The following PRKAR1A variants were observed in gnomAD, a reference collection of about 807,000 sequenced individuals.
PRKAR1A encodes protein kinase cAMP-dependent type I regulatory subunit alpha, also known as cAMP-dependent protein kinase type I-alpha regulatory subunit.
PRKAR1A carries 3 observed loss-of-function variants against 52.0 expected under a neutral mutation model. That is an observed-to-expected ratio of 0.06 (90% CI 0.03 to 0.15). PRKAR1A has a LOEUF of 0.15. PRKAR1A is among the 10% of genes least tolerant of loss of function. PRKAR1A has a pLI of 1.00. For missense variants in PRKAR1A, 240 were observed against 477.4 expected (o/e 0.50, Z 4.63); for synonymous variants, 188 against 168.4 (o/e 1.12, Z -0.90).
chr17:68,432,171 G>T, the PRKAR1A span, among the ~76,000 whole-genome samples: 264 of 152,272 alleles, frequency 1.7e-3, 1 homozygote, highest in African/African-American at 6.1e-3. Flanking sequence ...AAAGATGAAG[G>T]AGCGAGAAGG....
chr17:68,491,444 C>A, the PRKAR1A span, among the ~76,000 whole-genome samples: 1 of 152,256 alleles, frequency 6.6e-6, no homozygotes, highest in Non-Finnish European at 1.5e-5. Context: ...TTCAAGTAGA[C>A]AAGAAGCCTG....
chr17:68,474,949 A>G, the PRKAR1A span, among the ~76,000 whole-genome samples: 2 of 152,218 alleles, frequency 1.3e-5, no homozygotes, highest in African/African-American at 4.8e-5. Flanking sequence ...ACTTAAGTAA[A>G]TTTTAAAAAA....
the PRKAR1A span, chr17:68,457,400 C>G: frequency 7.9e-6 from 12 of 1,528,338 alleles, no homozygotes; most frequent in African/African-American, 1.6e-4. Context: ...CCCGGGGGAG[C>G]GTCCGCGGCC....
chr17:68,514,602 A>G (rs1240238370), intron 1 of PRKAR1A, among the ~76,000 whole-genome samples: 1 of 152,232 alleles, frequency 6.6e-6, no homozygotes, highest in African/African-American at 2.4e-5. Context: ...TATCTATTGA[A>G]TCTTCATGCA....
chr17:68,543,595 T>A, intron 11 of PRKAR1A: 1 of 1,592,038 alleles, frequency 6.3e-7, no homozygotes, highest in East Asian at 2.2e-5. Flanking sequence ...TTGGTCCTTA[T>A]AGGCAATGCC....
At chr17:68,424,558 G>A in the PRKAR1A span, 48 of 525,616 alleles carry the variant, frequency 9.1e-5, no homozygotes, top group Admixed American at 7.4e-4. Context: ...GGCTCTAGGA[G>A]CTGATGCTCC....
At chr17:68,429,779 G>A in the PRKAR1A span, among the ~76,000 whole-genome samples, 2 of 152,098 alleles carry the variant, frequency 1.3e-5, no homozygotes, top group African/African-American at 4.8e-5. Context: ...AGTAGAGACG[G>A]GATTTCACCA....
At position 68,538,681 on chromosome 17, in the gene PRKAR1A, C is replaced by T. The variant is rs116440307; in HGVS notation, c.973+8680C>T. ...TGATCAAGTAGTAATATTTATGAGC[C>T]GATATGAATGCTGGGCAAAGCAGAG... On this transcript the variant is annotated intron_variant, in intron 11 of 11. Coordinates refer to the PRKAR1A transcript ENST00000585981. 4.9e-3 allele frequency among the ~76,000 whole-genome samples: 752 copies of T among 152,188 alleles called. 3 individuals carry two copies. Among genetic ancestry groups the T allele is most frequent in the African/African-American group, 0.017 (696 of 41,492 alleles).
chr17:68,415,850 G>C, the PRKAR1A span, among the ~76,000 whole-genome samples: 1 of 152,064 alleles, frequency 6.6e-6, no homozygotes, highest in African/African-American at 2.4e-5. Flanking sequence ...CTTACTTTTG[G>C]TGTTCATTTG....
chr17:68,472,001 A>G, the PRKAR1A span, among the ~76,000 whole-genome samples: 1 of 152,056 alleles, frequency 6.6e-6, no homozygotes, highest in African/African-American at 2.4e-5. Context: ...CGGGGGTTTT[A>G]CCATGTTGGC....
At chr17:68,485,126 A>G in the PRKAR1A span, among the ~76,000 whole-genome samples, 1 of 152,232 alleles carries the variant, frequency 6.6e-6, no homozygotes, top group African/African-American at 2.4e-5. Context: ...TGCTAATTAG[A>G]TTATTTTACC....
chr17:68,519,661 A>G (rs932448429), intron 2 of PRKAR1A, among the ~76,000 whole-genome samples: 4 of 152,038 alleles, frequency 2.6e-5, no homozygotes, highest in African/African-American at 4.8e-5. Flanking sequence ...ACCTTCAACT[A>G]CTCCATAAGA....
Position 68,532,191 on chromosome 17 carries a change from C to T in PRKAR1A, c.*1742C>T. 1.9e-6 allele frequency: 2 copies of T among 1,038,216 alleles called. No individual in the cohort carries two copies. Among genetic ancestry groups the T allele is most frequent in the Non-Finnish European group, 2.3e-6 (2 of 854,720 alleles). 64.3% of individuals were successfully genotyped at this position (1,038,216 alleles called of 1,614,324 possible). A position where few individuals can be genotyped will look rare whatever the true frequency, so the allele number is the denominator to read the frequency against. On this transcript the variant is annotated 3_prime_UTR_variant, in exon 11 of 11. Coordinates refer to ENST00000589228, the MANE Select transcript of PRKAR1A (RefSeq NM_002734.5). The stretch of plus-strand genomic sequence containing the variant: ...CTGATCTGTACTTTGTGTTTAGCTA[C>T]CTTTTTATATTTAAAAAATTAAAAA...
the PRKAR1A span, among the ~76,000 whole-genome samples, chr17:68,450,016 CAG>C: frequency 6.6e-5 from 10 of 152,134 alleles, no homozygotes; most frequent in African/African-American, 2.4e-4. Context: ...GTCTCAAAAA[CAG>C]AAACAACAAC....
chr17:68,487,194 A>G, the PRKAR1A span, among the ~76,000 whole-genome samples: 1 of 152,200 alleles, frequency 6.6e-6, no homozygotes, highest in Non-Finnish European at 1.5e-5. Context: ...TTAATAAGAC[A>G]TTCATGTACA....
the PRKAR1A span, among the ~76,000 whole-genome samples, chr17:68,460,283 T>G: frequency 6.6e-6 from 1 of 152,056 alleles, no homozygotes; most frequent in Non-Finnish European, 1.5e-5. Context: ...GCATGGCAAC[T>G]GATGGGGAAG....
chr17:68,434,426 G>T, the PRKAR1A span: 1 of 844,804 alleles, frequency 1.2e-6, no homozygotes, highest in Non-Finnish European at 1.8e-6. Flanking sequence ...TTACCTGGGA[G>T]AGTAGTTACA....
At chr17:68,539,138 C>G (rs2086184288) in intron 11 of PRKAR1A, among the ~76,000 whole-genome samples, 1 of 152,180 alleles carries the variant, frequency 6.6e-6, no homozygotes, top group Non-Finnish European at 1.5e-5. Flanking sequence ...TCTTATGAGA[C>G]CACCGTCATA....
chr17:68,536,017 C>G (rs923948948), downstream of PRKAR1A: 14 of 454,002 alleles, frequency 3.1e-5, no homozygotes, highest in Non-Finnish European at 5.7e-5. Context: ...CTGTGTGTTG[C>G]TTCTGTAGCG....
Sources: allele counts gnomAD v4.1 joint callset (sites outside exome capture counted in the v4.1 genomes callset), GRCh38; gene constraint gnomAD v4.1.1; transcripts MANE v1.5; gene names NCBI Gene and HGNC (gene_info 2026-07-23, HGNC 2026-07-21).